The following ARNT variants were observed in gnomAD, a reference collection of about 807,000 sequenced individuals.
The protein encoded by ARNT is class E basic helix-loop-helix protein 2.
In ARNT, 30 loss-of-function variants were observed where a neutral mutation model predicts 105.0. The ratio of observed to expected loss-of-function variants is 0.29; its 90% confidence interval spans 0.21 to 0.39. ARNT has a LOEUF of 0.39. Among genes scored for constraint, ARNT ranks in the 10% least tolerant of loss-of-function variants. ARNT has a pLI of 1.00. For missense variants in ARNT, 748 were observed against 978.7 expected, an observed-to-expected ratio of 0.76 and a Z score of 3.15; for synonymous variants, 304 against 344.0, an observed-to-expected ratio of 0.88 and a Z score of 1.29.
chr1:150,819,435 C>T (rs1363687921), intron 14 of ARNT, among the ~76,000 whole-genome samples: 1 of 152,168 alleles, frequency 6.6e-6, no homozygotes, highest in African/African-American at 2.4e-5. Flanking sequence ...AACAAATATT[C>T]ATGAAAGCAT....
At chr1:150,826,038 C>T (rs961890452) in intron 13 of ARNT, among the ~76,000 whole-genome samples, 11 of 152,028 alleles carry the variant, frequency 7.2e-5, no homozygotes, top group African/African-American at 1.9e-4. Flanking sequence ...CTCAGCCTCC[C>T]GAGTACCTGG....
chr1:150,831,924 TGA>T, intron 9 of ARNT, 21 bp from the exon 10 acceptor site: 2 of 1,368,320 alleles, frequency 1.5e-6, no homozygotes, highest in South Asian at 2.7e-5. Context: ...TACAGGAGTT[TGA>T]AAAAAAAAAA....
At chr1:150,834,711 G>C in intron 7 of ARNT, 71 bp from the exon 8 acceptor site, 1 of 1,344,002 alleles carries the variant, frequency 7.4e-7, no homozygotes, top group South Asian at 1.2e-5. Context: ...AGATACTGAA[G>C]GCAAAGATAA....
At chr1:150,860,526 T>A (rs1418675824) in intron 1 of ARNT, among the ~76,000 whole-genome samples, 2 of 150,642 alleles carry the variant, frequency 1.3e-5, no homozygotes, top group East Asian at 2.0e-4. Context: ...GAAAAAAAAA[T>A]TTTCGAATCA....
intron 2 of ARNT, among the ~76,000 whole-genome samples, chr1:150,855,327 G>GAA (rs1664385787): frequency 6.6e-6 from 1 of 152,032 alleles, no homozygotes. Context: ...AGCCAAGGCA[G>GAA]GCGGATCACG....
intron 10 of ARNT, among the ~76,000 whole-genome samples, chr1:150,830,945 A>C (rs1269885332): frequency 6.6e-6 from 1 of 152,198 alleles, no homozygotes; most frequent in African/African-American, 2.4e-5. Context: ...TTTAAATTAC[A>C]TTAATTACTT....
chr1:150,832,821 C>A (rs1349170269), intron 8 of ARNT, among the ~76,000 whole-genome samples: 1 of 152,204 alleles, frequency 6.6e-6, no homozygotes, highest in African/African-American at 2.4e-5. Context: ...CTTACTCCTG[C>A]TCTACATTAA....
At chr1:150,845,859 G>A (rs775418607) in intron 4 of ARNT, among the ~76,000 whole-genome samples, 13 of 152,116 alleles carry the variant, frequency 8.5e-5, no homozygotes, top group Non-Finnish European at 7.4e-5. Context: ...CCGAGATGGC[G>A]CCATTGCACT....
chr1:150,818,056 G>C, intron 14 of ARNT, 26 bp from the exon 15 acceptor site: 2 of 1,528,724 alleles, frequency 1.3e-6, no homozygotes, highest in Non-Finnish European at 1.8e-6. Context: ...AGACAGTAAA[G>C]AGGGGGTGGA....
At chr1:150,869,544 CTTTT>C (rs869055633) in intron 1 of ARNT, among the ~76,000 whole-genome samples, 1 of 141,160 alleles carries the variant, frequency 7.1e-6, no homozygotes. Flanking sequence ...GAAACTACTC[CTTTT>C]TTTTTTTTTT....
chr1:150,824,837 T>G (rs1281961031), intron 13 of ARNT, among the ~76,000 whole-genome samples: 2 of 152,096 alleles, frequency 1.3e-5, no homozygotes, highest in Non-Finnish European at 2.9e-5. Flanking sequence ...CTTTTATTTT[T>G]TAAAAGTAAT....
chr1:150,813,445 T>C, intron 20 of ARNT, 107 bp from the exon 21 acceptor site: 1 of 1,187,772 alleles, frequency 8.4e-7, no homozygotes, highest in East Asian at 2.6e-5. Context: ...TTACCTAGGA[T>C]AACTCTGTCC....
At chr1:150,854,355 T>C (rs11582281) in intron 2 of ARNT, among the ~76,000 whole-genome samples, 52,379 of 149,252 alleles carry the variant, frequency 0.35, 9,374 homozygotes, top group South Asian at 0.53. Flanking sequence ...CTCAGGAGTT[T>C]AAGACCAGCC....
intron 6 of ARNT, among the ~76,000 whole-genome samples, chr1:150,836,970 G>A (rs1197470468): frequency 6.6e-6 from 1 of 152,142 alleles, no homozygotes; most frequent in East Asian, 1.9e-4. Flanking sequence ...GGAGGCTGAG[G>A]TGGGAGGATC....
intron 1 of ARNT, among the ~76,000 whole-genome samples, chr1:150,870,505 T>C (rs1316367677): frequency 1.3e-5 from 2 of 152,096 alleles, no homozygotes; most frequent in African/African-American, 4.8e-5. Context: ...ATGCTGGTTT[T>C]GTTGTGTTTT....
At chr1:150,853,265 C>G (rs1355078844) in intron 2 of ARNT, 1 of 381,052 alleles carries the variant, frequency 2.6e-6, no homozygotes, top group African/African-American at 2.2e-5. Context: ...TGGGCGACAA[C>G]TGCAAGACTC....
Position 150,811,195 on chromosome 1 carries a change from A to G in ARNT, c.*826T>C. 2 of 233,682 alleles carry G rather than the reference A, an allele frequency of 8.6e-6. No individual in the cohort carries two copies. Among genetic ancestry groups the G allele is most frequent in the Non-Finnish European group, 1.7e-5 (2 of 117,950 alleles). 14.5% of individuals were successfully genotyped at this position (233,682 alleles called of 1,614,324 possible). A position where few individuals can be genotyped will look rare whatever the true frequency, so the allele number is the denominator to read the frequency against. On this transcript the variant is annotated 3_prime_UTR_variant, in exon 22 of 22. Transcript: ENST00000358595. Reference sequence around the variant, plus strand: ...AGCAGTAACCCAGCTTTATCACTGAATGTGTTCGATAACAGACAATCGTAT... The same window carrying G: ...AGCAGTAACCCAGCTTTATCACTGAGTGTGTTCGATAACAGACAATCGTAT...
rs1655876324 is a variant in ARNT, at chr1:150,816,345, A to C, written c.1864T>G (p.Leu622Val). 1 of 1,609,634 alleles carries C rather than the reference A, an allele frequency of 6.2e-7. No individual in the cohort carries two copies. Among genetic ancestry groups the C allele is most frequent in the African/African-American group, 1.3e-5 (1 of 74,520 alleles). Residue 622 changes from leucine (L) to valine (V), a missense_variant, in exon 19 of 22, where the codon TTG (leucine) becomes GTG (valine). By Grantham distance (32) the Leu-to-Val change is conservative (BLOSUM62 1). Coordinates refer to ENST00000358595, the MANE Select transcript of ARNT (RefSeq NM_001668.4). The stretch of plus-strand genomic sequence containing the variant: ...TTGGAGTGGCGGGAAATCTGGGCCA[A>C]CATCTGTCCTGCAGAAGCTGATGGC... ...VQPSASAGQM[L>V]AQISRHSNPT...
intron 20 of ARNT, 152 bp downstream of exon 20, chr1:150,813,925 T>A: frequency 9.2e-7 from 1 of 1,085,694 alleles, no homozygotes; most frequent in Non-Finnish European, 1.3e-6. Context: ...CGCACCCAGC[T>A]GGTAGGTTTT....
Sources: gnomAD v4.1 joint callset for allele counts (sites outside exome capture counted in the v4.1 genomes callset) on GRCh38, gnomAD v4.1.1 for gene constraint, MANE v1.5 for transcripts, NCBI Gene and HGNC (gene_info 2026-07-23, HGNC 2026-07-21) for gene names.